COL4A5: variants seen among roughly 807,000 people sequenced by gnomAD.
The protein encoded by COL4A5 is collagen alpha-5(IV) chain.
A neutral mutation model predicts 130.2 loss-of-function variants in COL4A5; 26 were observed. The ratio of observed to expected loss-of-function variants is 0.20; its 90% CI spans 0.15 to 0.28. COL4A5 has a LOEUF of 0.28. COL4A5 is among the 10% of genes least tolerant of loss of function. The probability of loss-of-function intolerance (pLI) is 1.00; values close to 1 mark genes in which losing one functional copy is unlikely to be tolerated. For missense variants in COL4A5, 1,131 were observed against 1,344.3 expected (o/e 0.84, Z 2.48); for synonymous variants, 496 against 439.6 (o/e 1.13, Z -1.60).
At chrX:108,686,007 G>T (rs1207737126) in intron 47 of COL4A5, 24 bp from the exon 48 acceptor site, 2 of 1,138,133 alleles carry the variant, frequency 1.8e-6, no homozygotes, top group African/African-American at 3.6e-5. Flanking sequence ...ACTCATATTT[G>T]AATGCCTCAT....
intron 1 of COL4A5, among the ~76,000 whole-genome samples, chrX:108,473,847 G>C (rs1482752077): frequency 9.4e-6 from 1 of 105,935 alleles, no homozygotes; most frequent in African/African-American, 3.4e-5. Flanking sequence ...GGCCAGGCTG[G>C]TCTCAAACTC....
rs951980037 is a variant in COL4A5 at position 108,541,536 on chromosome X, A to G, written c.141+1731A>G. ...AAGGCTAAAACCCAGACAAAAACCC[A>G]TGGTCTTACTGGCTTGAGTCAGCAG... On this transcript the variant is annotated intron_variant, in intron 2 of 52. Transcript: ENST00000328300. Among the ~76,000 whole-genome samples, 20 of 112,334 alleles carry G rather than the reference A, an allele frequency of 1.8e-4. No individual in the cohort carries two copies. The Admixed American group carries it at 1.8e-3, about 10-fold the overall frequency.
intron 8 of COL4A5, 136 bp downstream of exon 8, chrX:108,571,973 T>G: frequency 1.9e-6 from 1 of 516,024 alleles, no homozygotes; most frequent in South Asian, 2.9e-5. Context: ...ACTTACAAGC[T>G]CTCCTTAAGT....
intron 2 of COL4A5, among the ~76,000 whole-genome samples, chrX:108,555,107 G>A (rs1371864482): frequency 2.7e-5 from 3 of 111,994 alleles, no homozygotes; most frequent in African/African-American, 9.7e-5. Context: ...TGTAAAATCT[G>A]TGACACAATC....
chrX:108,506,103 C>T (rs1309962335), intron 1 of COL4A5, among the ~76,000 whole-genome samples: 1 of 111,842 alleles, frequency 8.9e-6, no homozygotes, highest in Non-Finnish European at 1.9e-5. Context: ...CACAAGTTGG[C>T]TCCTGAGTCC....
chrX:108,502,385 A>G (rs2065088370), intron 1 of COL4A5, among the ~76,000 whole-genome samples: 1 of 111,054 alleles, frequency 9.0e-6, no homozygotes, highest in Non-Finnish European at 1.9e-5. Flanking sequence ...TCCCGGGTTC[A>G]AGTGATTCTC....
At chrX:108,583,403 C>T (rs988213613) in intron 17 of COL4A5, among the ~76,000 whole-genome samples, 1 of 111,685 alleles carries the variant, frequency 9.0e-6, no homozygotes, top group African/African-American at 3.3e-5. Context: ...TGGGCCAATG[C>T]AGTCTGACTG....
At chrX:108,607,980 G>A (rs2066765235) in intron 29 of COL4A5, among the ~76,000 whole-genome samples, 1 of 111,652 alleles carries the variant, frequency 9.0e-6, no homozygotes, top group African/African-American at 3.3e-5. Context: ...GTTGCTAGTT[G>A]CTAGATTGGA....
chrX:108,575,290 G>C (rs775688802), intron 9 of COL4A5, among the ~76,000 whole-genome samples: 85 of 111,529 alleles, frequency 7.6e-4, no homozygotes, highest in African/African-American at 2.7e-3. Context: ...TATCTTGAAA[G>C]TAGTAGCCTT....
chrX:108,620,196 A>T, intron 30 of COL4A5, 63 bp from the exon 31 acceptor site: 1 of 987,524 alleles, frequency 1.0e-6, no homozygotes, highest in Non-Finnish European at 1.4e-6. Context: ...TACTAGAAAT[A>T]TAACCAGATA....
intron 21 of COL4A5, among the ~76,000 whole-genome samples, chrX:108,594,573 T>C (rs1479504559): frequency 9.1e-6 from 1 of 110,445 alleles, no homozygotes; most frequent in Non-Finnish European, 1.9e-5. Context: ...AACTGTCAAC[T>C]TTCTGACCTT....
intron 1 of COL4A5, among the ~76,000 whole-genome samples, chrX:108,465,115 G>T (rs772414949): frequency 2.7e-5 from 3 of 111,571 alleles, no homozygotes; most frequent in Non-Finnish European, 1.9e-5. Flanking sequence ...GAATATTTGT[G>T]TACAAGTCAT....
chrX:108,516,471 T>G (rs762754601), intron 1 of COL4A5, among the ~76,000 whole-genome samples: 1 of 112,065 alleles, frequency 8.9e-6, no homozygotes, highest in Non-Finnish European at 1.9e-5. Flanking sequence ...GTTAATCTGT[T>G]TACATTTATG....
chrX:108,657,629 C>T (rs1005890008), intron 37 of COL4A5, among the ~76,000 whole-genome samples: 3 of 111,199 alleles, frequency 2.7e-5, no homozygotes, highest in African/African-American at 9.8e-5. Flanking sequence ...TGTTATCTCT[C>T]CATTTATGTA....
At chrX:108,547,314 T>C (rs1470973216) in intron 2 of COL4A5, among the ~76,000 whole-genome samples, 1 of 112,268 alleles carries the variant, frequency 8.9e-6, no homozygotes, top group Non-Finnish European at 1.9e-5. Context: ...TGTTTGTTAG[T>C]TTTCCTTCTA....
At chrX:108,609,264 T>C (rs1424744774) in intron 29 of COL4A5, among the ~76,000 whole-genome samples, 1 of 111,894 alleles carries the variant, frequency 8.9e-6, no homozygotes, top group Non-Finnish European at 1.9e-5. Context: ...GTTCAGAAAT[T>C]TGCATTGTTC....
chrX:108,588,962 T>C (rs1454533581), intron 19 of COL4A5, among the ~76,000 whole-genome samples: 2 of 111,225 alleles, frequency 1.8e-5, no homozygotes, highest in Non-Finnish European at 3.8e-5. Flanking sequence ...TACTGGAGGT[T>C]TTACTCCAAA....
chrX:108,517,205 C>T lies in COL4A5; in HGVS notation c.82-22541C>T, dbSNP rs141526389. On this transcript the variant is annotated intron_variant, in intron 1 of 52. Coordinates refer to ENST00000328300, the MANE Select transcript of COL4A5 (RefSeq NM_033380.3). ...ATTTCATTTTATTTTTGAAAATATA[C>T]GTATCTTAAGATTTTCTTCCCAAGG... 6.3e-3 allele frequency among the ~76,000 whole-genome samples: 693 copies of T among 110,757 alleles called. 1 individual carries two copies. The highest frequency in any genetic ancestry group is 0.01 in the Non-Finnish European group (546 of 52,650).
intron 22 of COL4A5, 76 bp downstream of exon 22, chrX:108,595,677 C>T: frequency 1.2e-6 from 1 of 861,035 alleles, no homozygotes. Flanking sequence ...TAGAATGTTA[C>T]CAGTTTCTCA....
Sources: gnomAD v4.1 joint callset for allele counts (sites outside exome capture counted in the v4.1 genomes callset) on GRCh38, gnomAD v4.1.1 for gene constraint, MANE v1.5 for transcripts, NCBI Gene and HGNC (gene_info 2026-07-23, HGNC 2026-07-21) for gene names.